The following ZNF592 variants were observed in gnomAD, a reference collection of about 807,000 sequenced individuals.
ZNF592 encodes the protein zinc finger protein 592, also known as spinocerebellar ataxia, autosomal recessive 5.
ZNF592 carries 11 observed loss-of-function variants against 80.3 expected under a neutral mutation model. The observed-to-expected ratio is 0.14, with a 90% CI of 0.09 to 0.23. The LOEUF is 0.23. ZNF592 is among the 10% of genes least tolerant of loss of function. ZNF592 has a pLI of 1.00. For synonymous variants in ZNF592, 646 were observed against 640.3 expected (o/e 1.01, Z -0.13); for missense variants, 1,420 against 1,633.9 (o/e 0.87, Z 2.26).
chr15:84,760,129 T>TG (rs58140297), intron 1 of ZNF592, among the ~76,000 whole-genome samples: 29,851 of 147,212 alleles, frequency 0.2, 3,702 homozygotes, highest in Middle Eastern at 0.37. Flanking sequence ...GATAAGTGGT[T>TG]AAAAAAAAAA....
intron 2 of ZNF592, among the ~76,000 whole-genome samples, chr15:84,776,515 G>C (rs1326002384): frequency 6.6e-6 from 1 of 152,202 alleles, no homozygotes; most frequent in East Asian, 1.9e-4. Context: ...CAGCACTTTG[G>C]GAGGCCAAGG....
At chr15:84,777,228 G>A (rs1310010802) in intron 2 of ZNF592, among the ~76,000 whole-genome samples, 1 of 151,964 alleles carries the variant, frequency 6.6e-6, no homozygotes, top group East Asian at 1.9e-4. Flanking sequence ...TGTAATCCCA[G>A]CACTTTGGGA....
In ZNF592 at chr15:84,780,946, T is replaced by C. The variant is rs146607884; in HGVS notation, c.-19-1711T>C. ...ATGCACGCGTAGTTTTACATTGTTATAGTCTGACAACATTTTTGTATTAGT... is the reference window on the plus strand; with the variant it reads ...ATGCACGCGTAGTTTTACATTGTTACAGTCTGACAACATTTTTGTATTAGT... On this transcript the variant is annotated intron_variant, in intron 3 of 10. Coordinates refer to ENST00000560079, the MANE Select transcript of ZNF592 (RefSeq NM_014630.3). Among the ~76,000 whole-genome samples, 602 of 152,332 alleles carry C rather than the reference T, an allele frequency of 4.0e-3. 2 individuals are homozygous for C. The highest frequency in any genetic ancestry group is 0.014 in the African/African-American group (572 of 41,586).
rs2141523375 is a variant in ZNF592 at position 84,798,411 on chromosome 15, C to T, written c.2673C>T (p.Val891=). 6.2e-7 allele frequency: 1 copy of T among 1,614,188 alleles called. No individual in the cohort carries two copies. Among genetic ancestry groups the T allele is most frequent in the Non-Finnish European group, 8.5e-7 (1 of 1,180,024 alleles). The change falls in exon 7 of 11, where the codon GTC becomes GTT. Residue 891 remains valine (V), a synonymous_variant. Coordinates refer to ENST00000560079, the MANE Select transcript of ZNF592 (RefSeq NM_014630.3). The surrounding 1 kb of genome is among the most constrained non-coding windows in gnomAD (Gnocchi z 4.5). ...ATGTCAGCAAGACGCAGGTGGGCGT[C>T]TTCAAGTGCCCTGAGTGCCCACTCT... The part of the protein sequence containing the change: ...YQNVSKTQVG[V]FKCPECPLLF...
rs1291950207 is a variant in ZNF592, at chr15:84,805,514, T to G, written c.*3121T>G. ...GTCTAAGACTTGACAAATTACTTAG[T>G]ATTTATTTTCCAACTGCTTTATCTC... is the stretch of plus-strand genomic sequence containing the variant. On this transcript the variant is annotated 3_prime_UTR_variant, in exon 11 of 11. Transcript: ENST00000560079. 6.5e-6 allele frequency: 1 copy of G among 152,680 alleles called. No homozygotes were observed. Among genetic ancestry groups the G allele is most frequent in the Non-Finnish European group, 1.5e-5 (1 of 68,042 alleles). The allele number at this position is 152,680 out of a possible 1,614,324, so 9.5% of individuals were successfully genotyped here. A position where few individuals can be genotyped will look rare whatever the true frequency, so the allele number is the denominator to read the frequency against.
Position 84,799,245 on chromosome 15 carries a change from G to C in ZNF592, c.3137+35G>C. 1 of 1,597,184 alleles carries C rather than the reference G, an allele frequency of 6.3e-7. No individual in the cohort carries two copies. Among genetic ancestry groups the C allele is most frequent in the Non-Finnish European group, 8.6e-7 (1 of 1,164,602 alleles). ...TGGGGATAGTAGTGAGGAGGCCTGA[G>C]GTTCAAAAGACTCTGTCCGTGGCAC... On this transcript the variant is annotated intron_variant, in intron 9 of 10. Coordinates refer to ENST00000560079, the MANE Select transcript of ZNF592 (RefSeq NM_014630.3). This position sits in a 1 kb window ranked among gnomAD's most constrained non-coding sequence, Gnocchi z 4.2.
At chr15:84,755,130 T>TTTC in intron 1 of ZNF592, among the ~76,000 whole-genome samples, 1 of 148,652 alleles carries the variant, frequency 6.7e-6, no homozygotes, top group East Asian at 2.0e-4. Flanking sequence ...GCTAATTTTT[T>TTTC]TTTTTTTTTT....
At chr15:84,771,484 T>A (rs1324400393) in intron 2 of ZNF592, among the ~76,000 whole-genome samples, 3 of 151,982 alleles carry the variant, frequency 2.0e-5, no homozygotes, top group Non-Finnish European at 2.9e-5. Context: ...GGGGTCAGAA[T>A]GAAAGGTATC....
chr15:84,751,009 G>A (rs572273871), intron 1 of ZNF592, among the ~76,000 whole-genome samples: 1 of 152,338 alleles, frequency 6.6e-6, no homozygotes, highest in South Asian at 2.1e-4. Context: ...GCAGGGAATG[G>A]ACTTTTGAGA....
At chr15:84,756,959 AT>A (rs1899191102) in intron 1 of ZNF592, among the ~76,000 whole-genome samples, 1 of 152,022 alleles carries the variant, frequency 6.6e-6, no homozygotes, top group African/African-American at 2.4e-5. Flanking sequence ...TAAAAATACA[AT>A]AACGTAGCTG....
At chr15:84,766,872 G>T (rs1056307772) in intron 2 of ZNF592, among the ~76,000 whole-genome samples, 2 of 152,086 alleles carry the variant, frequency 1.3e-5, no homozygotes, top group African/African-American at 4.8e-5. Flanking sequence ...CATGCTCCTC[G>T]TGTCCCTCCA....
chr15:84,780,481 G>C (rs1236442464), intron 3 of ZNF592, among the ~76,000 whole-genome samples: 3 of 152,152 alleles, frequency 2.0e-5, no homozygotes, highest in Non-Finnish European at 4.4e-5. Flanking sequence ...CCTGTTCCAA[G>C]AGACAAACAT....
chr15:84,772,529 AACAGAGTGAG>A (rs1962111989), intron 2 of ZNF592, among the ~76,000 whole-genome samples: 1 of 152,180 alleles, frequency 6.6e-6, no homozygotes, highest in Admixed American at 6.6e-5. Context: ...CAGCCTGGGC[AACAGAGTGAG>A]ACCCTGTCTC....
intron 1 of ZNF592, among the ~76,000 whole-genome samples, chr15:84,758,163 T>C (rs1169940784): frequency 1.3e-5 from 2 of 150,544 alleles, no homozygotes; most frequent in African/African-American, 4.9e-5. Context: ...TTAGTAGAGA[T>C]GGGGTTTCAC....
At chr15:84,773,890 A>T (rs1259371061) in intron 2 of ZNF592, among the ~76,000 whole-genome samples, 1 of 152,212 alleles carries the variant, frequency 6.6e-6, no homozygotes, top group Non-Finnish European at 1.5e-5. Flanking sequence ...TGCACAGCAC[A>T]CGTAGCTATG....
intron 1 of ZNF592, among the ~76,000 whole-genome samples, chr15:84,756,711 A>G (rs958596997): frequency 2.0e-5 from 3 of 152,184 alleles, no homozygotes; most frequent in Non-Finnish European, 4.4e-5. Context: ...TAAGGCTATA[A>G]ATCTTTAGGC....
At chr15:84,758,427 C>T (rs563817818) in intron 1 of ZNF592, among the ~76,000 whole-genome samples, 8 of 152,092 alleles carry the variant, frequency 5.3e-5, no homozygotes, top group South Asian at 4.2e-4. Context: ...GGACTACAGG[C>T]GTGCACCACC....
chr15:84,754,784 T>C (rs1374461508), intron 1 of ZNF592, among the ~76,000 whole-genome samples: 1 of 151,666 alleles, frequency 6.6e-6, no homozygotes, highest in African/African-American at 2.4e-5. Flanking sequence ...AGGATGATAA[T>C]GTCTATGTGT....
intron 5 of ZNF592, among the ~76,000 whole-genome samples, chr15:84,794,426 G>C (rs1233531426): frequency 1.3e-5 from 2 of 151,530 alleles, no homozygotes; most frequent in Non-Finnish European, 2.9e-5. Flanking sequence ...GTGTGAAATG[G>C]TATCTTGTTT....
Sources: allele counts gnomAD v4.1 joint callset (sites outside exome capture counted in the v4.1 genomes callset), GRCh38; gene constraint gnomAD v4.1.1; non-coding constraint Gnocchi (gnomAD v3.1); transcripts MANE v1.5; gene names NCBI Gene and HGNC (gene_info 2026-07-23, HGNC 2026-07-21).